The following CDH18 variants were observed in gnomAD, a reference collection of about 807,000 sequenced individuals.
CDH18 encodes the protein cadherin-18.
Under a neutral mutation model 67.9 loss-of-function variants are expected in CDH18, and 31 were observed. The ratio of observed to expected loss-of-function variants is 0.46; its 90% CI spans 0.34 to 0.62. CDH18 has a LOEUF of 0.62. Among genes scored for constraint, CDH18 ranks in the 20% least tolerant of loss-of-function variants. CDH18 has a pLI of 0.01. For synonymous variants in CDH18, 362 were observed against 347.2 expected (o/e 1.04, Z -0.48); for missense variants, 890 against 975.5 (o/e 0.91, Z 1.17).
At chr5:20,238,375 G>T (rs1350193586) in intron 2 of CDH18, among the ~76,000 whole-genome samples, 1 of 152,070 alleles carries the variant, frequency 6.6e-6, no homozygotes, top group African/African-American at 2.4e-5. Context: ...AGAAATCTCA[G>T]CTTCATAAGG....
intron 2 of CDH18, among the ~76,000 whole-genome samples, chr5:20,023,417 T>C (rs765749014): frequency 7.9e-5 from 12 of 152,094 alleles, no homozygotes; most frequent in Non-Finnish European, 1.6e-4. Flanking sequence ...AGAAAGGTAT[T>C]TATAGGCCGA....
chr5:19,945,920 T>C (rs796266325), intron 2 of CDH18, among the ~76,000 whole-genome samples: 4 of 151,494 alleles, frequency 2.6e-5, no homozygotes, highest in African/African-American at 9.7e-5. Context: ...GTTAGAAAAA[T>C]AAGGAGAAAG....
At chr5:20,097,166 T>C (rs1746057931) in intron 2 of CDH18, among the ~76,000 whole-genome samples, 1 of 152,198 alleles carries the variant, frequency 6.6e-6, no homozygotes, top group South Asian at 2.1e-4. Context: ...TTTTTATGTG[T>C]AAGCCTTCAG....
At chr5:20,146,022 A>C (rs1433852101) in intron 2 of CDH18, among the ~76,000 whole-genome samples, 1 of 152,138 alleles carries the variant, frequency 6.6e-6, no homozygotes, top group Admixed American at 6.6e-5. Flanking sequence ...CTCCAAGCAC[A>C]CTAACCTTGT....
intron 1 of CDH18, among the ~76,000 whole-genome samples, chr5:20,262,635 C>T (rs1195447988): frequency 2.0e-5 from 3 of 152,018 alleles, no homozygotes; most frequent in Non-Finnish European, 2.9e-5. Flanking sequence ...GATGTATTTT[C>T]TGTTTTCACT....
chr5:19,741,265 A>ACATC (rs1561196781), intron 4 of CDH18, among the ~76,000 whole-genome samples: 1 of 127,678 alleles, frequency 7.8e-6, no homozygotes, highest in South Asian at 2.7e-4. Context: ...ATGTATACAT[A>ACATC]TATACATATA....
At chr5:20,053,354 T>C (rs1741611777) in intron 2 of CDH18, among the ~76,000 whole-genome samples, 1 of 151,748 alleles carries the variant, frequency 6.6e-6, no homozygotes. Flanking sequence ...TAGGTTCCTT[T>C]TAAGGTTCCT....
At chr5:19,982,829 G>T (rs994770627) in intron 1 of CDH18, among the ~76,000 whole-genome samples, 1 of 151,326 alleles carries the variant, frequency 6.6e-6, no homozygotes, top group Admixed American at 6.6e-5. Flanking sequence ...TGGATCACGA[G>T]GTCAGGAGAT....
chr5:20,234,930 G>A (rs923453050), intron 2 of CDH18, among the ~76,000 whole-genome samples: 5 of 152,042 alleles, frequency 3.3e-5, no homozygotes, highest in African/African-American at 1.2e-4. Flanking sequence ...TGCAATTGGG[G>A]AAAGTATTCA....
intron 2 of CDH18, among the ~76,000 whole-genome samples, chr5:20,050,236 C>T (rs189750459): frequency 6.6e-6 from 1 of 151,842 alleles, no homozygotes; most frequent in Non-Finnish European, 1.5e-5. Context: ...GTCTTTTTCT[C>T]ATGTATTATT....
chr5:20,374,248 C>A (rs1210249145), intron 1 of CDH18, among the ~76,000 whole-genome samples: 1 of 152,058 alleles, frequency 6.6e-6, no homozygotes, highest in Non-Finnish European at 1.5e-5. Flanking sequence ...CTACAGATAC[C>A]GGCAGAAGAG....
intron 5 of CDH18, among the ~76,000 whole-genome samples, chr5:19,701,674 G>T (rs183930131): frequency 1.3e-5 from 2 of 151,970 alleles, no homozygotes; most frequent in Non-Finnish European, 2.9e-5. Context: ...AGATAGTACC[G>T]CTTAGAGATA....
At chr5:19,509,591 A>G (rs1198893076) in intron 10 of CDH18, among the ~76,000 whole-genome samples, 1 of 152,112 alleles carries the variant, frequency 6.6e-6, no homozygotes, top group Non-Finnish European at 1.5e-5. Context: ...ATCTCTATTG[A>G]CCTAGTTAAT....
At chr5:20,267,415 G>T (rs953588565) in intron 1 of CDH18, among the ~76,000 whole-genome samples, 10 of 151,872 alleles carry the variant, frequency 6.6e-5, no homozygotes, top group Non-Finnish European at 1.2e-4. Flanking sequence ...TGGCTATTTG[G>T]GCTAATTTTT....
At chr5:19,913,963 C>A (rs190028330) in intron 2 of CDH18, among the ~76,000 whole-genome samples, 1 of 151,894 alleles carries the variant, frequency 6.6e-6, no homozygotes, top group Non-Finnish European at 1.5e-5. Context: ...AGAAACAATG[C>A]GATTATTTTA....
At chr5:20,220,953 C>G (rs1012898692) in intron 2 of CDH18, among the ~76,000 whole-genome samples, 35 of 151,844 alleles carry the variant, frequency 2.3e-4, no homozygotes, top group African/African-American at 7.5e-4. Context: ...TGGCTTTTAT[C>G]CAAGAGACAA....
chr5:19,727,695 T>C (rs763391200), intron 4 of CDH18, among the ~76,000 whole-genome samples: 11 of 145,180 alleles, frequency 7.6e-5, no homozygotes, highest in Non-Finnish European at 1.2e-4. Context: ...CTTTTTAATC[T>C]GGGCAAAACT....
intron 2 of CDH18, among the ~76,000 whole-genome samples, chr5:20,126,181 T>C (rs1052650056): frequency 7.9e-5 from 12 of 152,312 alleles, no homozygotes; most frequent in Admixed American, 3.3e-4. Flanking sequence ...CAACTGATCT[T>C]TCACAAGGCT....
chr5:20,441,682 C>G lies in CDH18; in HGVS notation c.-580+133780G>C, dbSNP rs921455438. On this transcript the variant is annotated intron_variant, in intron 1 of 14. Transcript: ENST00000507958. ...CCTCAGTTGAGTTATCTTAACTTTC[C>G]TCAGTTTCAAAATATGAAGCACTAT... Among the ~76,000 whole-genome samples, 28 of 151,732 alleles carry G rather than the reference C, an allele frequency of 1.8e-4. 1 individual carries two copies. Among genetic ancestry groups the G allele is most frequent in the African/African-American group, 6.8e-4 (28 of 41,126 alleles).
Sources: allele counts gnomAD v4.1 joint callset (sites outside exome capture counted in the v4.1 genomes callset), GRCh38; gene constraint gnomAD v4.1.1; transcripts MANE v1.5; gene names NCBI Gene and HGNC (gene_info 2026-07-23, HGNC 2026-07-21).